COL26A1: variants seen among roughly 807,000 people sequenced by gnomAD.
COL26A1 encodes the protein collagen alpha-1(XXVI) chain.
COL26A1 carries 41 observed loss-of-function variants against 59.3 expected under a neutral mutation model. That is an observed-to-expected ratio of 0.69 (90% CI 0.54 to 0.90). The LOEUF (loss-of-function observed/expected upper bound fraction) is 0.90. Ranked by LOEUF, COL26A1 falls within the 40% of genes least tolerant of loss-of-function variation. COL26A1 has a pLI of 0.00. For synonymous variants in COL26A1, 266 were observed against 256.0 expected (o/e 1.04, Z -0.37); for missense variants, 612 against 602.3 (o/e 1.02, Z -0.17).
At chr7:101,543,657 C>T (rs897896242) in intron 5 of COL26A1, among the ~76,000 whole-genome samples, 2 of 152,168 alleles carry the variant, frequency 1.3e-5, no homozygotes, top group African/African-American at 4.8e-5. Context: ...AGCAGAGAGA[C>T]AGCAGGGTGT....
chr7:101,387,771 TATATATA>T (rs1562958331), intron 1 of COL26A1, among the ~76,000 whole-genome samples: 4 of 52,188 alleles, frequency 7.7e-5, no homozygotes, highest in East Asian at 4.6e-4. Flanking sequence ...TATATATATA[TATATATA>T]TTTTTTTTTA....
intron 1 of COL26A1, among the ~76,000 whole-genome samples, chr7:101,367,978 T>A (rs1791090015): frequency 1.0e-5 from 1 of 96,564 alleles, no homozygotes; most frequent in Non-Finnish European, 2.0e-5. Context: ...TCTACAAGTC[T>A]CCTCCACTGT....
intron 2 of COL26A1, among the ~76,000 whole-genome samples, chr7:101,440,356 ACT>A (rs1252513136): frequency 1.3e-5 from 2 of 152,036 alleles, no homozygotes; most frequent in Non-Finnish European, 2.9e-5. Flanking sequence ...ACAGAGCGAG[ACT>A]CTGTCTCAAA....
At chr7:101,555,670 G>A (rs770762448) in intron 11 of COL26A1, 117 bp from the exon 12 acceptor site, 22 of 645,724 alleles carry the variant, frequency 3.4e-5, no homozygotes, top group Middle Eastern at 4.1e-4. Flanking sequence ...TGAGGGTGTC[G>A]GGTGGGAAGA....
chr7:101,380,723 A>G (rs1791427141), intron 1 of COL26A1, among the ~76,000 whole-genome samples: 1 of 152,160 alleles, frequency 6.6e-6, no homozygotes, highest in Admixed American at 6.6e-5. Context: ...TCCTGCCCAG[A>G]CTTTAGAGAT....
rs546276331 is a variant in COL26A1 at position 101,453,754 on chromosome 7, C to G, written c.385+5967C>G. ...AAAACCCTTGTAAAGATTTTACATT[C>G]CCGAATATAAACCAATAAAGACAGC... On this transcript the variant is annotated intron_variant, in intron 3 of 12. Coordinates refer to ENST00000313669, the MANE Select transcript of COL26A1 (RefSeq NM_001278563.3). Among the ~76,000 whole-genome samples the G allele has an allele frequency of 2.1e-4, 32 of 152,246 alleles. 1 individual carries two copies. Among genetic ancestry groups the G allele is most frequent in the Non-Finnish European group, 4.1e-4 (28 of 68,016 alleles).
At chr7:101,419,073 CTCCT>C (rs1792446109) in intron 1 of COL26A1, among the ~76,000 whole-genome samples, 1 of 70,940 alleles carries the variant, frequency 1.4e-5, no homozygotes, top group Admixed American at 1.8e-4. Flanking sequence ...TCTCTCATTC[CTCCT>C]CCCCTCCCCT....
intron 3 of COL26A1, among the ~76,000 whole-genome samples, chr7:101,453,130 GC>G (rs1451667133): frequency 6.6e-6 from 1 of 152,194 alleles, no homozygotes; most frequent in Non-Finnish European, 1.5e-5. Flanking sequence ...CACTTTGGGA[GC>G]CCAAGGCAGT....
chr7:101,437,973 G>A (rs1014671386), intron 2 of COL26A1, among the ~76,000 whole-genome samples: 8 of 152,070 alleles, frequency 5.3e-5, no homozygotes, highest in South Asian at 2.1e-4. Context: ...TTGGCCTCCC[G>A]AAGTGTTGGG....
At chr7:101,435,620 C>T (rs1223885588) in intron 2 of COL26A1, among the ~76,000 whole-genome samples, 1 of 152,194 alleles carries the variant, frequency 6.6e-6, no homozygotes, top group African/African-American at 2.4e-5. Context: ...TTGGGTGTCA[C>T]TGACACCACC....
At chr7:101,507,035 C>A (rs1325874275) in intron 3 of COL26A1, among the ~76,000 whole-genome samples, 1 of 152,070 alleles carries the variant, frequency 6.6e-6, no homozygotes, top group Non-Finnish European at 1.5e-5. Context: ...TGGCCTCAGC[C>A]TCCCGAGTAG....
At chr7:101,545,034 T>C (rs1211018708) in intron 6 of COL26A1, among the ~76,000 whole-genome samples, 1 of 152,194 alleles carries the variant, frequency 6.6e-6, no homozygotes, top group African/African-American at 2.4e-5. Flanking sequence ...GCCACAGGGC[T>C]GAAGTCCCTG....
intron 3 of COL26A1, among the ~76,000 whole-genome samples, chr7:101,474,944 GCA>G (rs1194677875): frequency 2.6e-5 from 4 of 152,220 alleles, no homozygotes; most frequent in African/African-American, 9.6e-5. Flanking sequence ...TGTAATCCCA[GCA>G]CTCTGGGAGG....
intron 1 of COL26A1, among the ~76,000 whole-genome samples, chr7:101,403,578 A>C (rs1163868674): frequency 1.3e-5 from 2 of 152,026 alleles, no homozygotes; most frequent in Non-Finnish European, 2.9e-5. Context: ...AGGTCTTGCT[A>C]TATTGCCCAG....
chr7:101,413,161 G>GT (rs1792283170), intron 1 of COL26A1, among the ~76,000 whole-genome samples: 1 of 152,216 alleles, frequency 6.6e-6, no homozygotes, highest in Non-Finnish European at 1.5e-5. Context: ...CCTTGAGCTG[G>GT]TGGTGGCTCG....
chr7:101,556,691 T>C (rs915237751), intron 12 of COL26A1, among the ~76,000 whole-genome samples: 2 of 147,496 alleles, frequency 1.4e-5, no homozygotes. Flanking sequence ...GGTGGGTGGA[T>C]AAATGAGTGG....
chr7:101,456,524 C>T (rs34524965), intron 3 of COL26A1, among the ~76,000 whole-genome samples: 66,566 of 151,546 alleles, frequency 0.44, 15,376 homozygotes, highest in Middle Eastern at 0.54. Context: ...ATTAGCCGGT[C>T]GTGGTGGCAC....
At chr7:101,545,043 T>A (rs1234606162) in intron 6 of COL26A1, among the ~76,000 whole-genome samples, 1 of 152,162 alleles carries the variant, frequency 6.6e-6, no homozygotes, top group Non-Finnish European at 1.5e-5. Context: ...CTGAAGTCCC[T>A]GGGAGGGACC....
Position 101,419,993 on chromosome 7 carries a change from A to G in COL26A1, c.175A>G (p.Thr59Ala), listed in dbSNP as rs761643387. 6.2e-7 allele frequency: 1 copy of G among 1,613,698 alleles called. No homozygotes were observed. Among genetic ancestry groups the G allele is most frequent in the Admixed American group, 1.7e-5 (1 of 60,000 alleles). ...TCTCCACAGGCACTGGTGCCATCAC[A>G]CAGTGACACGGACGGTGTCCTGCCA... Reference protein sequence around the residue: ...YASRRHWCHHTVTRTVSCQVQ... With the variant: ...YASRRHWCHHAVTRTVSCQVQ... Residue 59 changes from threonine (T) to alanine (A), a missense_variant, in exon 2 of 13, where the codon ACA (threonine) becomes GCA (alanine). Coordinates refer to ENST00000313669, the MANE Select transcript of COL26A1 (RefSeq NM_001278563.3).
Sources: allele counts gnomAD v4.1 joint callset (sites outside exome capture counted in the v4.1 genomes callset), GRCh38; gene constraint gnomAD v4.1.1; transcripts MANE v1.5; gene names NCBI Gene and HGNC (gene_info 2026-07-23, HGNC 2026-07-21).